The following KIF4A variants were observed in gnomAD, a reference collection of about 807,000 sequenced individuals.
KIF4A encodes chromosome-associated kinesin KIF4A.
KIF4A carries 7 observed loss-of-function variants against 105.9 expected under a neutral mutation model. That is an observed-to-expected ratio of 0.07 (90% CI 0.04 to 0.12). The LOEUF is 0.12. Ranked by LOEUF, KIF4A falls within the 10% of genes least tolerant of loss-of-function variation. The pLI is 1.00. For synonymous variants in KIF4A, 281 were observed against 331.3 expected (o/e 0.85, Z 1.65); for missense variants, 558 against 929.2 (o/e 0.60, Z 5.19).
At chrX:70,296,791 T>G (rs1338612632) in intron 3 of KIF4A, among the ~76,000 whole-genome samples, 1 of 112,372 alleles carries the variant, frequency 8.9e-6, no homozygotes, top group Non-Finnish European at 1.9e-5. Context: ...GGTTGGGTTT[T>G]GTTTTGTTTT....
chrX:70,381,052 G>A (rs1001835161), intron 18 of KIF4A, among the ~76,000 whole-genome samples: 2 of 111,171 alleles, frequency 1.8e-5, no homozygotes, highest in African/African-American at 6.5e-5. Context: ...GAGAGGCTGA[G>A]GCACGAGAAT....
intron 7 of KIF4A, among the ~76,000 whole-genome samples, chrX:70,308,620 T>C (rs1224294066): frequency 3.6e-5 from 4 of 112,571 alleles, no homozygotes; most frequent in African/African-American, 1.3e-4. Flanking sequence ...TGTTTTGTTT[T>C]GTTTTAAGAG....
At chrX:70,318,986 C>T (rs1185162655) in intron 7 of KIF4A, among the ~76,000 whole-genome samples, 2 of 111,846 alleles carry the variant, frequency 1.8e-5, no homozygotes, top group African/African-American at 3.3e-5. Context: ...TCCTTTAGGC[C>T]GGGTGTGGTG....
Position 70,330,178 on chromosome X carries a change from A to G in KIF4A, c.917A>G (p.His306Arg). The change falls in exon 9 of 31, where the codon CAT (histidine) becomes CGT (arginine). Residue 306 changes from histidine (H) to arginine (R), a missense_variant. By Grantham distance (29) the His-to-Arg change is conservative. Transcript: ENST00000374403. Reference protein sequence around the residue: ...LLQDSLGGNSHTLMIACVSPA... With the variant: ...LLQDSLGGNSRTLMIACVSPA... ...TCAGATTCTCTAGGAGGTAATAGCC[A>G]TACTCTTATGATAGCCTGTGTGAGT... is the stretch of plus-strand genomic sequence containing the variant. The G allele has an allele frequency of 8.3e-7, 1 of 1,204,584 alleles. No individual in the cohort carries two copies. Among genetic ancestry groups the G allele is most frequent in the Non-Finnish European group, 1.1e-6 (1 of 891,631 alleles).
At chrX:70,309,716 A>T (rs2085841267) in intron 7 of KIF4A, among the ~76,000 whole-genome samples, 1 of 112,646 alleles carries the variant, frequency 8.9e-6, no homozygotes, top group Non-Finnish European at 1.9e-5. Context: ...TCATGTAGTT[A>T]TATTTTTCAA....
intron 15 of KIF4A, 133 bp downstream of exon 15, chrX:70,353,940 G>A (rs2086041357): frequency 1.9e-6 from 1 of 520,620 alleles, no homozygotes; most frequent in Non-Finnish European, 3.0e-6. Context: ...GAGTTGTACT[G>A]TTGGTTTAAA....
intron 7 of KIF4A, among the ~76,000 whole-genome samples, chrX:70,303,230 C>T (rs910543361): frequency 1.8e-5 from 2 of 111,899 alleles, no homozygotes; most frequent in African/African-American, 6.5e-5. Context: ...ACTTTTATCC[C>T]TGTTTTGAAA....
chrX:70,359,351 G>T (rs1309528096), intron 15 of KIF4A, among the ~76,000 whole-genome samples: 2 of 110,896 alleles, frequency 1.8e-5, no homozygotes, highest in African/African-American at 6.6e-5. Flanking sequence ...TACTGGTAAG[G>T]CTGAGAAGTG....
chrX:70,395,890 A>G, intron 21 of KIF4A, 59 bp from the exon 22 acceptor site: 1 of 1,195,562 alleles, frequency 8.4e-7, no homozygotes, highest in African/African-American at 1.7e-5. Flanking sequence ...AAATCCTCAT[A>G]GCTTTGGAGG....
intron 7 of KIF4A, among the ~76,000 whole-genome samples, chrX:70,308,295 GT>G (rs1485920843): frequency 1.8e-5 from 2 of 112,265 alleles, no homozygotes; most frequent in Non-Finnish European, 3.8e-5. Flanking sequence ...TAGTAATATA[GT>G]TTTTATATAC....
intron 28 of KIF4A, among the ~76,000 whole-genome samples, chrX:70,410,572 G>A (rs749320728): frequency 5.4e-5 from 6 of 112,007 alleles, no homozygotes; most frequent in South Asian, 7.5e-4. Flanking sequence ...GACCGGTTTC[G>A]TGGAAGACAG....
intron 7 of KIF4A, among the ~76,000 whole-genome samples, chrX:70,318,038 C>A (rs946355716): frequency 5.4e-5 from 6 of 110,159 alleles, no homozygotes; most frequent in Admixed American, 1.9e-4. Context: ...CCACCACACC[C>A]AGCTAATTTT....
At position 70,376,121 on chromosome X, in the gene KIF4A, C is replaced by G. The variant is rs758153286; in HGVS notation, c.1945C>G (p.Gln649Glu). 28 of 1,204,586 alleles carry G rather than the reference C, an allele frequency of 2.3e-5. No homozygotes were observed. In the South Asian group the frequency reaches 4.8e-4, roughly 21 times the overall value. ...EIRMMKNQRVQLMRQMKEDAE... is the reference protein window; with the variant it reads ...EIRMMKNQRVELMRQMKEDAE... ...ATAGATGATGAAAAACCAGCGGGTACAGTTAATGCGTCAAATGAAAGAAGA... is the reference window on the plus strand; with the variant it reads ...ATAGATGATGAAAAACCAGCGGGTAGAGTTAATGCGTCAAATGAAAGAAGA... The change falls in exon 18 of 31, where the codon CAG (glutamine) becomes GAG (glutamate). Residue 649 changes from glutamine (Q) to glutamate (E), a missense_variant. By Grantham distance (29) the Gln-to-Glu change is conservative. Coordinates refer to ENST00000374403, the MANE Select transcript of KIF4A (RefSeq NM_012310.5).
At chrX:70,320,033 G>A (rs1476809091) in intron 7 of KIF4A, among the ~76,000 whole-genome samples, 1 of 111,208 alleles carries the variant, frequency 9.0e-6, no homozygotes. Flanking sequence ...CTCTTAATTT[G>A]GCTTGTAAAG....
In KIF4A at chrX:70,332,263, G is replaced by A. The variant is rs142628056; in HGVS notation, c.1072-1365G>A. Among the ~76,000 whole-genome samples, 29 of 111,669 alleles carry A rather than the reference G, an allele frequency of 2.6e-4. No homozygotes were observed. The East Asian group carries it at 8.2e-3, about 31-fold the overall frequency. The stretch of plus-strand genomic sequence containing the variant: ...GCTTTGGGGGACTTTACCATTTAAA[G>A]GACAAGTGGAGCAAAGATGAACCAA... On this transcript the variant is annotated intron_variant, in intron 9 of 30. Coordinates refer to ENST00000374403, the MANE Select transcript of KIF4A (RefSeq NM_012310.5).
At chrX:70,318,595 G>T (rs1475440664) in intron 7 of KIF4A, among the ~76,000 whole-genome samples, 3 of 111,955 alleles carry the variant, frequency 2.7e-5, no homozygotes, top group Admixed American at 1.9e-4. Flanking sequence ...TTCAAAGTTT[G>T]TTTCAATGTA....
intron 9 of KIF4A, among the ~76,000 whole-genome samples, chrX:70,331,513 T>G (rs371859734): frequency 9.1e-6 from 1 of 110,226 alleles, no homozygotes; most frequent in South Asian, 4.1e-4. Flanking sequence ...TGTACATACC[T>G]TAATTTAAAA....
chrX:70,365,929 C>T (rs192611433), intron 15 of KIF4A, among the ~76,000 whole-genome samples: 82 of 111,436 alleles, frequency 7.4e-4, no homozygotes, highest in Non-Finnish European at 1.2e-3. Flanking sequence ...GATCCTGTTA[C>T]TGGTCTATTC....
chrX:70,295,931 ATT>A (rs2085780948), intron 3 of KIF4A, among the ~76,000 whole-genome samples: 1 of 63,805 alleles, frequency 1.6e-5, no homozygotes. Context: ...AAAAAAAAAA[ATT>A]TACCATCCTA....
Sources: gnomAD v4.1 joint callset for allele counts (sites outside exome capture counted in the v4.1 genomes callset) on GRCh38, gnomAD v4.1.1 for gene constraint, MANE v1.5 for transcripts, NCBI Gene and HGNC (gene_info 2026-07-23, HGNC 2026-07-21) for gene names.